The following GSK3B variants were observed in gnomAD, a reference collection of about 807,000 sequenced individuals.
The protein encoded by GSK3B is glycogen synthase kinase 3 beta.
A neutral mutation model predicts 56.4 loss-of-function variants in GSK3B; 15 were observed. The ratio of observed to expected loss-of-function variants is 0.27; its 90% confidence interval spans 0.18 to 0.41. GSK3B has a LOEUF of 0.41. Among genes scored for constraint, GSK3B ranks in the 10% least tolerant of loss-of-function variants. GSK3B has a pLI of 1.00. For synonymous variants in GSK3B, 181 were observed against 188.9 expected, an observed-to-expected ratio of 0.96 and a Z score of 0.34; for missense variants, 300 against 513.4, an observed-to-expected ratio of 0.58 and a Z score of 4.02.
chr3:120,050,973 A>AGTTT (rs2058143921), intron 1 of GSK3B, among the ~76,000 whole-genome samples: 3 of 152,140 alleles, frequency 2.0e-5, no homozygotes, highest in Admixed American at 6.5e-5. Context: ...GACTGAGGAA[A>AGTTT]CAATCTGAGA....
At position 119,976,765 on chromosome 3, in the gene GSK3B, C is replaced by CAA. The variant is rs563133631; in HGVS notation, c.282+25279_282+25280dup. ...ATATCAAGCAGCTGACCACTCCCCA[C>CAA]AAAAAAAAAAAAAAAAAAAATAGAA... is the stretch of plus-strand genomic sequence containing the variant. On this transcript the variant is annotated intron_variant, in intron 2 of 10. Coordinates refer to ENST00000264235, the MANE Select transcript of GSK3B (RefSeq NM_001146156.2). Among the ~76,000 whole-genome samples the CAA allele has an allele frequency of 8.0e-3, 660 of 82,964 alleles. 4 individuals are homozygous for CAA. The highest frequency in any genetic ancestry group is 0.044 in the Middle Eastern group (6 of 136). The allele number at this position is 82,964 out of a possible 152,430, so 54.4% of individuals were successfully genotyped here.
intron 8 of GSK3B, among the ~76,000 whole-genome samples, 200 bp downstream of exon 8, chr3:119,876,213 C>A (rs1031705327): frequency 6.6e-6 from 1 of 152,036 alleles, no homozygotes; most frequent in African/African-American, 2.4e-5. Context: ...AAAAACCAGG[C>A]TAGAAACTAT....
intron 1 of GSK3B, among the ~76,000 whole-genome samples, chr3:120,048,877 T>G (rs1194446212): frequency 6.6e-6 from 1 of 152,228 alleles, no homozygotes; most frequent in Non-Finnish European, 1.5e-5. Context: ...AAATTGTCAC[T>G]TATATTTGCA....
At chr3:120,042,405 C>T (rs1410285161) in intron 1 of GSK3B, among the ~76,000 whole-genome samples, 1 of 152,110 alleles carries the variant, frequency 6.6e-6, no homozygotes, top group South Asian at 2.1e-4. Flanking sequence ...GGAACTTATA[C>T]CCTAGCCAAA....
In GSK3B at chr3:119,981,225, C is replaced by T. The variant is rs187306742; in HGVS notation, c.282+20821G>A. Reference sequence around the variant, plus strand: ...AGTAAAGTTTACTAAAAGTTAACAGCGTAGCCAAGATGGCCGAATAGGAAC... The same window carrying T: ...AGTAAAGTTTACTAAAAGTTAACAGTGTAGCCAAGATGGCCGAATAGGAAC... On this transcript the variant is annotated intron_variant, in intron 2 of 10. Coordinates refer to ENST00000264235, the MANE Select transcript of GSK3B (RefSeq NM_001146156.2). Among the ~76,000 whole-genome samples, 376 of 152,294 alleles carry T rather than the reference C, an allele frequency of 2.5e-3. 2 individuals carry two copies. The highest frequency in any genetic ancestry group is 8.1e-3 in the African/African-American group (338 of 41,568).
intron 1 of GSK3B, among the ~76,000 whole-genome samples, chr3:120,052,662 A>G (rs1052410043): frequency 3.3e-5 from 5 of 152,210 alleles, no homozygotes; most frequent in Non-Finnish European, 7.3e-5. Context: ...TTACACTCTC[A>G]GACACATAAA....
At position 119,931,027 on chromosome 3, in the gene GSK3B, G is replaced by A. The variant is rs2056940532; in HGVS notation, c.367-7544C>T. 2.0e-5 allele frequency among the ~76,000 whole-genome samples: 3 copies of A among 152,314 alleles called. No homozygotes were observed. The South Asian group carries it at 6.2e-4, about 32-fold the overall frequency. ...TTGTTAAATTTACAAATGTTCTAAT[G>A]TAAAATAAATAGCCACAGGGAATAA... On this transcript the variant is annotated intron_variant, in intron 3 of 10. Coordinates refer to ENST00000264235, the MANE Select transcript of GSK3B (RefSeq NM_001146156.2).
chr3:119,965,759 A>G (rs1391411353), intron 2 of GSK3B, among the ~76,000 whole-genome samples: 1 of 152,178 alleles, frequency 6.6e-6, no homozygotes, highest in Non-Finnish European at 1.5e-5. Context: ...ATTGTGTTCA[A>G]AGGACTGAAA....
intron 3 of GSK3B, among the ~76,000 whole-genome samples, chr3:119,938,622 G>C (rs1171315610): frequency 6.6e-6 from 1 of 152,040 alleles, no homozygotes; most frequent in Admixed American, 6.5e-5. Flanking sequence ...AAAAATAACA[G>C]TGATAGCTGC....
intron 9 of GSK3B, chr3:119,843,589 A>G (rs1331443345): frequency 9.4e-6 from 2 of 213,436 alleles, no homozygotes; most frequent in Admixed American, 5.8e-5. Context: ...CTAAAAATAC[A>G]AAAATTAGGG....
intron 8 of GSK3B, 94 bp downstream of exon 8, chr3:119,876,319 A>T (rs1047370019): frequency 1.4e-6 from 1 of 720,082 alleles, no homozygotes; most frequent in Non-Finnish European, 2.5e-6. Flanking sequence ...GCTTGTATTC[A>T]TGCAACTATC....
chr3:119,866,596 T>G, intron 8 of GSK3B: 1 of 1,603,162 alleles, frequency 6.2e-7, no homozygotes, highest in Non-Finnish European at 8.5e-7. Context: ...ATACCCGCAC[T>G]CCTGAGGTGA....
intron 2 of GSK3B, among the ~76,000 whole-genome samples, chr3:119,995,671 G>A (rs946619503): frequency 5.3e-5 from 8 of 151,390 alleles, no homozygotes; most frequent in Admixed American, 3.3e-4. Context: ...TGATCCACCC[G>A]CCTCGGCCTC....
chr3:120,088,105 G>A (rs1478253657), intron 1 of GSK3B, among the ~76,000 whole-genome samples: 1 of 152,144 alleles, frequency 6.6e-6, no homozygotes, highest in East Asian at 1.9e-4. Context: ...CGTTGGCCAG[G>A]ATGGTCTTGA....
At chr3:119,859,236 A>G (rs1263184930) in intron 9 of GSK3B, among the ~76,000 whole-genome samples, 1 of 152,060 alleles carries the variant, frequency 6.6e-6, no homozygotes, top group East Asian at 1.9e-4. Context: ...AAGCTCAATA[A>G]AACAATGTAT....
chr3:119,866,653 A>T, intron 8 of GSK3B: 1 of 1,543,586 alleles, frequency 6.5e-7, no homozygotes, highest in South Asian at 1.1e-5. Context: ...GCAGTGAAAT[A>T]ATCCAAACAG....
chr3:119,908,072 A>G (rs533371868), intron 6 of GSK3B, among the ~76,000 whole-genome samples: 2 of 152,334 alleles, frequency 1.3e-5, no homozygotes, highest in East Asian at 3.9e-4. Flanking sequence ...AAAAACATTT[A>G]AAAATGTAAC....
chr3:119,944,850 A>G (rs1286385468), intron 3 of GSK3B, among the ~76,000 whole-genome samples: 1 of 152,202 alleles, frequency 6.6e-6, no homozygotes, highest in Non-Finnish European at 1.5e-5. Flanking sequence ...CCTACCAAAT[A>G]TAGGACTGCC....
intron 1 of GSK3B, among the ~76,000 whole-genome samples, chr3:120,080,127 C>CA (rs2058405778): frequency 6.6e-6 from 1 of 151,934 alleles, no homozygotes; most frequent in Admixed American, 6.6e-5. Context: ...CTCGTCTCTA[C>CA]AAAAAATACA....
Sources: gnomAD v4.1 joint callset for allele counts (sites outside exome capture counted in the v4.1 genomes callset) on GRCh38, gnomAD v4.1.1 for gene constraint, MANE v1.5 for transcripts, NCBI Gene and HGNC (gene_info 2026-07-23, HGNC 2026-07-21) for gene names.